The following FBXO34 variants were observed in gnomAD, a reference collection of about 807,000 sequenced individuals.
The protein encoded by FBXO34 is F-box only protein 34.
FBXO34 carries 12 observed loss-of-function variants against 24.5 expected under a neutral mutation model. The observed-to-expected ratio is 0.49, with a 90% confidence interval of 0.31 to 0.79. The LOEUF (loss-of-function observed/expected upper bound fraction) is 0.79, where lower values mean the gene tolerates loss of function less well. FBXO34 is among the 30% of genes least tolerant of loss of function. The pLI is 0.04. For synonymous variants in FBXO34, 320 were observed against 311.9 expected, an observed-to-expected ratio of 1.03 and a Z score of -0.27; for missense variants, 823 against 857.7, an observed-to-expected ratio of 0.96 and a Z score of 0.51.
intron 1 of FBXO34, among the ~76,000 whole-genome samples, chr14:55,316,836 A>G (rs908935629): frequency 1.3e-5 from 2 of 152,042 alleles, no homozygotes; most frequent in Non-Finnish European, 2.9e-5. Context: ...ACACGCCTAT[A>G]AAGTTGATCC....
At chr14:55,397,441 C>A in the FBXO34 span, 1 of 1,605,856 alleles carries the variant, frequency 6.2e-7, no homozygotes, top group Non-Finnish European at 8.5e-7. Flanking sequence ...AAACCTGTAA[C>A]AAAAAAATTC....
the FBXO34 span, among the ~76,000 whole-genome samples, chr14:55,383,158 G>T: frequency 0.39 from 59,151 of 151,904 alleles, 11,875 homozygotes; most frequent in Non-Finnish European, 0.42. Context: ...TTACGCACGC[G>T]TCCCATGCCA....
downstream of FBXO34, among the ~76,000 whole-genome samples, chr14:55,372,301 C>T (rs7149391): frequency 0.022 from 2,958 of 137,450 alleles, 77 homozygotes; most frequent in African/African-American, 0.07. Context: ...ACTTTCCCAT[C>T]TGCCTCCTCT....
intron 1 of FBXO34, among the ~76,000 whole-genome samples, chr14:55,287,835 G>A (rs1484646622): frequency 6.6e-6 from 1 of 152,198 alleles, no homozygotes; most frequent in Non-Finnish European, 1.5e-5. Context: ...TGTTATGAAT[G>A]CATGCTGCTC....
chr14:55,375,128 C>T, the FBXO34 span, among the ~76,000 whole-genome samples: 2 of 152,114 alleles, frequency 1.3e-5, no homozygotes, highest in Admixed American at 6.6e-5. Context: ...ACTCCTCATA[C>T]GGTGTGTAGA....
the FBXO34 span, among the ~76,000 whole-genome samples, chr14:55,395,493 C>T: frequency 6.6e-6 from 1 of 152,212 alleles, no homozygotes; most frequent in African/African-American, 2.4e-5. Context: ...GCTGGGATTA[C>T]AGGCATTAAC....
At chr14:55,331,671 G>GTATATATATATATGTGTATA (rs1883545586) in intron 1 of FBXO34, among the ~76,000 whole-genome samples, 3 of 45,566 alleles carry the variant, frequency 6.6e-5, no homozygotes, top group South Asian at 1.2e-3. Flanking sequence ...CATGGTGTGT[G>GTATATATATATATGTGTATA]TATATATATA....
chr14:55,352,369 A>T lies in FBXO34; in HGVS notation c.1979A>T (p.Tyr660Phe). Residue 660 changes from tyrosine to phenylalanine, a missense_variant, in exon 2 of 2, where the codon TAT (tyrosine) becomes TTT (phenylalanine). Around this residue, in one of 2 missense-constraint regions of FBXO34, gnomAD observed 130 missense variants for 198.6 expected, o/e 0.65. Transcript: ENST00000313833. ...AAGCCCTATTGCCAGGCATTGCCCTATGGGCCAGGGTATTGGATGTGCTGC... is the reference window on the plus strand; with the variant it reads ...AAGCCCTATTGCCAGGCATTGCCCTTTGGGCCAGGGTATTGGATGTGCTGC... ...HPKPYCQALP[Y>F]GPGYWMCCHR... 1.9e-6 allele frequency: 3 copies of T among 1,614,212 alleles called. No individual in the cohort carries two copies. The highest frequency in any genetic ancestry group is 1.7e-6 in the Non-Finnish European group (2 of 1,180,022).
chr14:55,273,329 G>A (rs1348746505), intron 1 of FBXO34, among the ~76,000 whole-genome samples: 1 of 152,104 alleles, frequency 6.6e-6, no homozygotes, highest in Non-Finnish European at 1.5e-5. Context: ...TTACCCGTTA[G>A]GTACTATTGG....
the FBXO34 span, chr14:55,435,833 C>A: frequency 6.6e-7 from 1 of 1,522,880 alleles, no homozygotes; most frequent in African/African-American, 1.4e-5. Flanking sequence ...GGAAGGAATA[C>A]TGAGAAATGT....
At chr14:55,402,973 A>ATG in the FBXO34 span, among the ~76,000 whole-genome samples, 1 of 109,452 alleles carries the variant, frequency 9.1e-6, no homozygotes, top group Non-Finnish European at 1.8e-5. Flanking sequence ...ATATATAAAT[A>ATG]GCTGGGCATA....
chr14:55,435,468 A>T, the FBXO34 span, among the ~76,000 whole-genome samples: 1 of 151,656 alleles, frequency 6.6e-6, no homozygotes, highest in East Asian at 1.9e-4. Context: ...TAGAGACGGG[A>T]TTTCACCATG....
chr14:55,365,058 TAAAAAA>T (rs563260970), downstream of FBXO34, among the ~76,000 whole-genome samples: 1 of 124,458 alleles, frequency 8.0e-6, no homozygotes, highest in Non-Finnish European at 1.6e-5. Context: ...ATCTCTACTT[TAAAAAA>T]AAAAAAAAAA....
the FBXO34 span, chr14:55,395,197 T>C: frequency 1.2e-5 from 5 of 417,438 alleles, no homozygotes; most frequent in Non-Finnish European, 9.8e-6. Flanking sequence ...TCTTCCTCTG[T>C]GGCCCATTCA....
the FBXO34 span, chr14:55,411,917 T>A: frequency 4.1e-6 from 5 of 1,226,264 alleles, no homozygotes; most frequent in South Asian, 5.9e-5. Context: ...GGGGCTGGGA[T>A]GCCGGCGAGC....
chr14:55,397,312 A>G, the FBXO34 span: 1 of 1,425,772 alleles, frequency 7.0e-7, no homozygotes, highest in South Asian at 1.2e-5. Context: ...ACAGCACTGA[A>G]TTCAACCAAA....
chr14:55,357,647 G>A (rs1251293665), downstream of FBXO34, among the ~76,000 whole-genome samples: 1 of 151,984 alleles, frequency 6.6e-6, no homozygotes, highest in Admixed American at 6.6e-5. Context: ...AGACTCTGTC[G>A]TTGTACAAAA....
intron 1 of FBXO34, among the ~76,000 whole-genome samples, chr14:55,316,050 T>C (rs1013938505): frequency 6.6e-6 from 1 of 152,226 alleles, no homozygotes; most frequent in African/African-American, 2.4e-5. Flanking sequence ...TTTGAGCTTT[T>C]CATTTCTACT....
the FBXO34 span, chr14:55,436,857 A>G: frequency 1.3e-5 from 21 of 1,614,176 alleles, no homozygotes; most frequent in African/African-American, 2.7e-4. Context: ...GGGTAACTTC[A>G]TCTGGTAGGA....
Sources: allele counts gnomAD v4.1 joint callset (sites outside exome capture counted in the v4.1 genomes callset), GRCh38; gene constraint gnomAD v4.1.1; regional missense constraint gnomAD v4.1.1; transcripts MANE v1.5; gene names NCBI Gene and HGNC (gene_info 2026-07-23, HGNC 2026-07-21).